The following MAPRE3 variants were observed in gnomAD, a reference collection of about 807,000 sequenced individuals.
MAPRE3 encodes the protein microtubule-associated protein RP/EB family member 3.
In MAPRE3, 2 loss-of-function variants were observed where a neutral mutation model predicts 30.5. The ratio of observed to expected loss-of-function variants is 0.07; its 90% CI spans 0.03 to 0.21. The LOEUF is 0.21. Ranked by LOEUF, MAPRE3 falls within the 10% of genes least tolerant of loss-of-function variation. The pLI, the probability that MAPRE3 is intolerant of heterozygous loss-of-function variation, is 1.00. For missense variants in MAPRE3, 204 were observed against 351.8 expected (o/e 0.58, Z 3.36); for synonymous variants, 110 against 127.7 (o/e 0.86, Z 0.93).
At chr2:26,988,642 A>G (rs1666266040) in intron 1 of MAPRE3, among the ~76,000 whole-genome samples, 1 of 152,162 alleles carries the variant, frequency 6.6e-6, no homozygotes, top group African/African-American at 2.4e-5. Flanking sequence ...TAAATGGGGA[A>G]ATCGTGTGTG....
chr2:27,024,236 G>A lies in MAPRE3; in HGVS notation c.408G>A (p.Ala136=), dbSNP rs374719070. The part of the protein sequence containing the change: ...PLLARQGQDV[A]PPPNPGDQIF... ...TGGCGCGGCAGGGCCAGGACGTAGC[G>A]CCACCTCCTAACCCAGGTGATCAGA... Residue 136 remains alanine (A), a synonymous_variant, in exon 4 of 7, where the codon GCG becomes GCA. Coordinates refer to ENST00000233121, the MANE Select transcript of MAPRE3 (RefSeq NM_012326.4). The A allele has an allele frequency of 1.3e-5, 21 of 1,614,076 alleles. No individual in the cohort carries two copies. Among genetic ancestry groups the A allele is most frequent in the South Asian group, 5.5e-5 (5 of 91,092 alleles).
At chr2:26,999,551 T>C (rs1425945497) in intron 1 of MAPRE3, among the ~76,000 whole-genome samples, 1 of 127,956 alleles carries the variant, frequency 7.8e-6, no homozygotes, top group African/African-American at 3.0e-5. Flanking sequence ...CAGGCTGGAG[T>C]GCAGTGCAGT....
intron 1 of MAPRE3, among the ~76,000 whole-genome samples, chr2:27,003,280 C>T (rs1205225642): frequency 2.0e-5 from 3 of 152,022 alleles, no homozygotes; most frequent in East Asian, 1.9e-4. Context: ...CAGATAGTCA[C>T]GAGTAAACAA....
At chr2:26,988,167 C>T (rs1178244458) in intron 1 of MAPRE3, among the ~76,000 whole-genome samples, 1 of 152,214 alleles carries the variant, frequency 6.6e-6, no homozygotes, top group Non-Finnish European at 1.5e-5. Context: ...TGAGCAGCCA[C>T]AGCAAAGTGA....
At chr2:26,979,886 G>A (rs999373736) in intron 1 of MAPRE3, among the ~76,000 whole-genome samples, 7 of 152,188 alleles carry the variant, frequency 4.6e-5, no homozygotes, top group South Asian at 4.1e-4. Context: ...TAAAAACAAC[G>A]TGACTGTGGG....
intron 1 of MAPRE3, among the ~76,000 whole-genome samples, chr2:26,971,391 T>A (rs943156160): frequency 7.2e-5 from 11 of 152,190 alleles, no homozygotes; most frequent in African/African-American, 2.4e-4. Context: ...GCTTTCCGAA[T>A]AGATTTGGCT....
intron 1 of MAPRE3, among the ~76,000 whole-genome samples, chr2:27,010,731 C>T (rs1423418948): frequency 2.0e-5 from 3 of 152,176 alleles, no homozygotes; most frequent in Admixed American, 2.0e-4. Flanking sequence ...GCATGAGCCA[C>T]AGCACCCGGG....
At chr2:26,995,821 G>GTGTGTGTGTGTGTGTGTGTGTGTGTGTA in intron 1 of MAPRE3, among the ~76,000 whole-genome samples, 1 of 150,004 alleles carries the variant, frequency 6.7e-6, no homozygotes, top group Non-Finnish European at 1.5e-5. Flanking sequence ...GTGTGTGTGT[G>GTGTGTGTGTGTGTGTGTGTGTGTGTGTA]TGTGTGTGTA....
At chr2:26,978,249 G>A (rs1026195381) in intron 1 of MAPRE3, among the ~76,000 whole-genome samples, 5 of 152,184 alleles carry the variant, frequency 3.3e-5, no homozygotes, top group Non-Finnish European at 7.4e-5. Flanking sequence ...TTCTGAGTCA[G>A]CAAGATCATA....
intron 1 of MAPRE3, among the ~76,000 whole-genome samples, chr2:26,973,522 G>A (rs973603882): frequency 6.6e-6 from 1 of 151,274 alleles, no homozygotes; most frequent in Non-Finnish European, 1.5e-5. Context: ...AGTAACATTT[G>A]TCAGAAGCCG....
intron 1 of MAPRE3, among the ~76,000 whole-genome samples, chr2:26,988,665 C>T (rs531786949): frequency 2.6e-5 from 4 of 152,260 alleles, no homozygotes; most frequent in East Asian, 1.9e-4. Context: ...TTCTCTAGAG[C>T]GGGGTTCTCA....
intron 1 of MAPRE3, among the ~76,000 whole-genome samples, chr2:26,999,341 A>G (rs1447210167): frequency 6.6e-6 from 1 of 152,130 alleles, no homozygotes; most frequent in African/African-American, 2.4e-5. Context: ...CAAAATGGCA[A>G]CAACCTGGAC....
chr2:27,025,503 G>A (rs796385169), intron 4 of MAPRE3, 80 bp from the exon 5 acceptor site: 123 of 1,418,270 alleles, frequency 8.7e-5, no homozygotes, highest in African/African-American at 1.4e-4. Flanking sequence ...GCCTGCCCCC[G>A]CAGTCCTCAC....
chr2:26,987,023 T>G (rs1001642966), intron 1 of MAPRE3, among the ~76,000 whole-genome samples: 5 of 152,114 alleles, frequency 3.3e-5, no homozygotes, highest in African/African-American at 1.2e-4. Context: ...TCAGACGGAA[T>G]TACTTGAAGC....
intron 2 of MAPRE3, 112 bp downstream of exon 2, chr2:27,022,451 AT>A: frequency 7.4e-7 from 1 of 1,354,136 alleles, no homozygotes; most frequent in East Asian, 2.3e-5. Flanking sequence ...TGAATGACTG[AT>A]GTGGCCAGAG....
chr2:26,974,302 T>C (rs1013251380), intron 1 of MAPRE3, among the ~76,000 whole-genome samples: 3 of 152,240 alleles, frequency 2.0e-5, no homozygotes, highest in Non-Finnish European at 4.4e-5. Context: ...CCAGGCAAAA[T>C]TTTGTGTCAA....
At chr2:27,020,881 G>A (rs1226050943) in intron 1 of MAPRE3, among the ~76,000 whole-genome samples, 1 of 152,202 alleles carries the variant, frequency 6.6e-6, no homozygotes, top group African/African-American at 2.4e-5. Flanking sequence ...AGGCCTTTTA[G>A]GAGGCTCCTG....
intron 1 of MAPRE3, among the ~76,000 whole-genome samples, chr2:26,971,713 A>G (rs1665919565): frequency 6.6e-6 from 1 of 151,922 alleles, no homozygotes; most frequent in African/African-American, 2.4e-5. Flanking sequence ...TACTGTTTAT[A>G]TATGAAGGGG....
intron 1 of MAPRE3, among the ~76,000 whole-genome samples, chr2:26,993,974 C>G (rs1054341165): frequency 3.3e-5 from 5 of 152,226 alleles, no homozygotes. Flanking sequence ...TTAAGGAATG[C>G]TACCAGAATA....
Sources: gnomAD v4.1 joint callset for allele counts (sites outside exome capture counted in the v4.1 genomes callset) on GRCh38, gnomAD v4.1.1 for gene constraint, MANE v1.5 for transcripts, NCBI Gene and HGNC (gene_info 2026-07-23, HGNC 2026-07-21) for gene names.